Variants in PINX1 observed in about 807,000 individuals in gnomAD.
PINX1 encodes the protein PIN2/TERF1-interacting telomerase inhibitor 1.
PINX1 carries 34 observed loss-of-function variants against 25.4 expected under a neutral mutation model. The ratio of observed to expected loss-of-function variants is 1.34; its 90% CI spans 1.02 to 1.78. The LOEUF (loss-of-function observed/expected upper bound fraction) is 1.78. Among genes scored for constraint, PINX1 ranks in the 40% most tolerant of loss-of-function variants. PINX1 has a pLI of 0.00. For synonymous variants in PINX1, 197 were observed against 147.7 expected (o/e 1.33, Z -2.42); for missense variants, 592 against 404.9 (o/e 1.46, Z -3.97).
chr8:10,791,711 G>T (rs1431527201), intron 6 of PINX1, among the ~76,000 whole-genome samples: 1 of 152,142 alleles, frequency 6.6e-6, no homozygotes, highest in African/African-American at 2.4e-5. Context: ...GCGATCTGCT[G>T]GCCCCCTGGC....
rs768814755 is a variant in PINX1, at chr8:10,820,287, T to C, written c.395-18A>G. 2 of 1,544,462 alleles carry C rather than the reference T, an allele frequency of 1.3e-6. No homozygotes were observed. Among genetic ancestry groups the C allele is most frequent in the East Asian group, 2.2e-5 (1 of 44,558 alleles). On this transcript the variant is annotated intron_variant, in intron 5 of 6. Coordinates refer to ENST00000314787, the MANE Select transcript of PINX1 (RefSeq NM_017884.6). Reference sequence around the variant, plus strand: ...ATCCTTCCCTAGAAAAACAATGTGATGCTTTTCAGTAAGACTGTTCTTCCT... The same window carrying C: ...ATCCTTCCCTAGAAAAACAATGTGACGCTTTTCAGTAAGACTGTTCTTCCT...
At chr8:10,822,450 T>C (rs1406923686) in intron 5 of PINX1, among the ~76,000 whole-genome samples, 1 of 152,364 alleles carries the variant, frequency 6.6e-6, no homozygotes, top group East Asian at 1.9e-4. Context: ...TAGTCTTCAA[T>C]GCGTAACATT....
At chr8:10,804,719 T>C (rs1802382943) in intron 6 of PINX1, among the ~76,000 whole-genome samples, 1 of 146,334 alleles carries the variant, frequency 6.8e-6, no homozygotes. Context: ...GGATTAAAAA[T>C]ACAAAATTAG....
chr8:10,772,048 G>C (rs957734336), intron 6 of PINX1, among the ~76,000 whole-genome samples: 1 of 152,218 alleles, frequency 6.6e-6, no homozygotes, highest in Non-Finnish European at 1.5e-5. Context: ...GTACTGTGTG[G>C]TATGGGAACT....
intron 5 of PINX1, among the ~76,000 whole-genome samples, chr8:10,822,998 C>T (rs1202450014): frequency 3.3e-5 from 5 of 152,008 alleles, no homozygotes; most frequent in East Asian, 1.9e-4. Context: ...GGCAGTCAAC[C>T]GAGGGCAGAA....
intron 6 of PINX1, among the ~76,000 whole-genome samples, chr8:10,775,323 C>G (rs957400237): frequency 2.6e-5 from 4 of 151,914 alleles, no homozygotes; most frequent in African/African-American, 9.7e-5. Context: ...CAGTTCTGAA[C>G]CCACCCAACC....
intron 6 of PINX1, among the ~76,000 whole-genome samples, chr8:10,816,534 G>A (rs1797701432): frequency 6.6e-6 from 1 of 152,186 alleles, no homozygotes; most frequent in South Asian, 2.1e-4. Flanking sequence ...CTTCAGGCTG[G>A]CCTGGACACC....
At position 10,765,829 on chromosome 8, in the gene PINX1, C is replaced by A; in HGVS notation, c.559G>T (p.Ala187Ser). ...ACCTGGGGCTTGTTCTTCAGTGCTG[C>A]CATCCGCTTGGCAAAGTACTCCTGG... ...TIQEYFAKRM[A>S]ALKNKPQVPV... Residue 187 changes from alanine (A) to serine (S), a missense_variant, in exon 7 of 7, where the codon GCA becomes TCA. Ala to Ser is a moderately conservative substitution (Grantham distance 99). Transcript: ENST00000314787. 6.2e-7 allele frequency: 1 copy of A among 1,613,984 alleles called. No homozygotes were observed. The highest frequency in any genetic ancestry group is 8.5e-7 in the Non-Finnish European group (1 of 1,179,896).
At chr8:10,827,371 TG>T (rs1481196256) in intron 4 of PINX1, among the ~76,000 whole-genome samples, 1 of 151,812 alleles carries the variant, frequency 6.6e-6, no homozygotes, top group Non-Finnish European at 1.5e-5. Flanking sequence ...GACATCCGAG[TG>T]GTAACGCCTT....
intron 6 of PINX1, among the ~76,000 whole-genome samples, chr8:10,792,087 G>C (rs911401759): frequency 1.3e-5 from 2 of 152,196 alleles, no homozygotes; most frequent in African/African-American, 2.4e-5. Flanking sequence ...TCAGCTATTG[G>C]AGTCTGAGTC....
intron 6 of PINX1, among the ~76,000 whole-genome samples, chr8:10,786,038 G>A (rs918453043): frequency 1.3e-5 from 2 of 152,212 alleles, no homozygotes; most frequent in Non-Finnish European, 2.9e-5. Context: ...AAGGGAGGCA[G>A]TCACTTTCCT....
intron 1 of PINX1, among the ~76,000 whole-genome samples, chr8:10,837,531 G>A (rs946400571): frequency 5.3e-5 from 8 of 152,204 alleles, no homozygotes; most frequent in African/African-American, 1.9e-4. Flanking sequence ...GGGGACCCTT[G>A]ACACGATCTG....
intron 6 of PINX1, among the ~76,000 whole-genome samples, chr8:10,817,419 C>G (rs1316325303): frequency 1.3e-5 from 2 of 152,154 alleles, no homozygotes; most frequent in African/African-American, 4.8e-5. Flanking sequence ...TTGTAACTAA[C>G]AAGGTTAAGG....
chr8:10,827,453 G>T (rs1252032785), intron 4 of PINX1, among the ~76,000 whole-genome samples: 3 of 152,048 alleles, frequency 2.0e-5, no homozygotes, highest in African/African-American at 4.8e-5. Flanking sequence ...GGTTGATCTG[G>T]GGTTAGAGTC....
intron 6 of PINX1, among the ~76,000 whole-genome samples, chr8:10,811,296 T>A (rs765069294): frequency 3.3e-5 from 5 of 152,178 alleles, no homozygotes; most frequent in Non-Finnish European, 5.9e-5. Flanking sequence ...CACAACACTA[T>A]ATGGCCCTGA....
intron 6 of PINX1, among the ~76,000 whole-genome samples, chr8:10,773,995 T>A (rs1465716742): frequency 6.6e-6 from 1 of 152,214 alleles, no homozygotes; most frequent in African/African-American, 2.4e-5. Flanking sequence ...CTAAAAATAA[T>A]CCAAATTGAC....
chr8:10,792,011 C>G (rs1261306763), intron 6 of PINX1, among the ~76,000 whole-genome samples: 1 of 152,158 alleles, frequency 6.6e-6, no homozygotes, highest in Admixed American at 6.5e-5. Context: ...CCGTGCTGGC[C>G]AGGACCGCCC....
At chr8:10,824,400 G>T (rs1019924137) in intron 5 of PINX1, among the ~76,000 whole-genome samples, 3 of 152,118 alleles carry the variant, frequency 2.0e-5, no homozygotes, top group African/African-American at 7.2e-5. Flanking sequence ...CAGTCTGCAT[G>T]TCCTTCCCGT....
At chr8:10,815,084 G>A (rs952985063) in intron 6 of PINX1, among the ~76,000 whole-genome samples, 2 of 152,138 alleles carry the variant, frequency 1.3e-5, no homozygotes, top group African/African-American at 2.4e-5. Context: ...GAGACTACAG[G>A]TGGATGCCAC....
Sources: allele counts gnomAD v4.1 joint callset (sites outside exome capture counted in the v4.1 genomes callset), GRCh38; gene constraint gnomAD v4.1.1; transcripts MANE v1.5; gene names NCBI Gene and HGNC (gene_info 2026-07-23, HGNC 2026-07-21).